ASB4: variants seen among roughly 807,000 people sequenced by gnomAD.
The protein encoded by ASB4 is ankyrin repeat and SOCS box protein 4.
Under a neutral mutation model 38.6 loss-of-function variants are expected in ASB4, and 35 were observed. That is an observed-to-expected ratio of 0.91 (90% confidence interval 0.69 to 1.20). The LOEUF (loss-of-function observed/expected upper bound fraction) is 1.20, where lower values mean the gene tolerates loss of function less well. Among genes scored for constraint, ASB4 ranks in the 50% most tolerant of loss-of-function variants. ASB4 has a pLI of 0.00. For synonymous variants in ASB4, 195 were observed against 201.3 expected, an observed-to-expected ratio of 0.97 and a Z score of 0.26; for missense variants, 557 against 527.2, an observed-to-expected ratio of 1.06 and a Z score of -0.55.
intron 4 of ASB4, 99 bp downstream of exon 4, chr7:95,536,649 T>C: frequency 1.4e-6 from 1 of 737,490 alleles, no homozygotes; most frequent in South Asian, 1.8e-5. Context: ...GTTTTGAGAA[T>C]GCCTTTAAAG....
chr7:95,544,005 C>T (rs1038555624), downstream of ASB4: 3 of 151,880 alleles, frequency 2.0e-5, no homozygotes, highest in Non-Finnish European at 4.4e-5. Flanking sequence ...TTCCATGCCA[C>T]CCCCAAATAC....
chr7:95,521,841 T>G (rs1438797964), intron 2 of ASB4, among the ~76,000 whole-genome samples: 2 of 151,934 alleles, frequency 1.3e-5, no homozygotes, highest in South Asian at 4.1e-4. Flanking sequence ...GAACAAAAAT[T>G]TACCAAGCAA....
At chr7:95,476,427 C>T (rs988853472), upstream of ASB4, among the ~76,000 whole-genome samples, 4 of 152,102 alleles carry the variant, frequency 2.6e-5, no homozygotes, top group East Asian at 1.9e-4. Context: ...GCTCACAGCC[C>T]ATGTTTAAAA....
rs1414066717 is a variant in ASB4, at chr7:95,527,853, G to A, written c.528G>A (p.Glu176=). The A allele has an allele frequency of 6.2e-7, 1 of 1,609,994 alleles. No homozygotes were observed. The highest frequency in any genetic ancestry group is 1.7e-5 in the Admixed American group (1 of 59,956). ...VNMKTNNQDE[E]TPLHTAAHFG... ...TGAAGACCAACAACCAAGATGAGGA[G>A]ACGCCCTTGCACACGGCTGCCCACT... The change falls in exon 3 of 5, where the codon GAG becomes GAA. Residue 176 remains glutamate, a synonymous_variant. Transcript: ENST00000325885.
chr7:95,485,935 G>A (rs752571238), upstream of ASB4: 3 of 1,598,218 alleles, frequency 1.9e-6, no homozygotes, highest in Non-Finnish European at 1.7e-6. Context: ...CTGTTCTCTC[G>A]ATAAATCACA....
chr7:95,496,298 A>G (rs1585798614), intron 2 of ASB4: 1 of 423,306 alleles, frequency 2.4e-6, no homozygotes, highest in East Asian at 3.5e-5. Flanking sequence ...ACAAATATTT[A>G]TTTAGCTCCT....
chr7:95,508,773 G>A (rs920308401), intron 2 of ASB4, among the ~76,000 whole-genome samples: 1 of 152,080 alleles, frequency 6.6e-6, no homozygotes, highest in African/African-American at 2.4e-5. Context: ...ATAAAATATG[G>A]AACTAAGCTG....
chr7:95,539,052 G>A lies in ASB4; in HGVS notation c.*1293G>A, dbSNP rs1181497489. ...AGCTCTGGGCCTTGTGGTTTATGAG[G>A]TCAATTTTGCTTCACTTTTTTTTTT... On this transcript the variant is annotated 3_prime_UTR_variant, in exon 5 of 5. Coordinates refer to ENST00000325885, the MANE Select transcript of ASB4 (RefSeq NM_016116.3). The A allele has an allele frequency of 2.7e-5, 4 of 147,538 alleles. No homozygotes were observed. The highest frequency in any genetic ancestry group is 1.0e-4 in the African/African-American group (4 of 39,278). 9.1% of individuals were successfully genotyped at this position (147,538 alleles called of 1,614,324 possible).
chr7:95,472,130 G>A, the ASB4 span: 2 of 152,270 alleles, frequency 1.3e-5, no homozygotes, highest in African/African-American at 4.8e-5. Flanking sequence ...TGGGGGCTCA[G>A]TAGCTCATGC....
intron 2 of ASB4, among the ~76,000 whole-genome samples, chr7:95,527,401 T>A (rs1009517583): frequency 6.6e-6 from 1 of 152,238 alleles, no homozygotes; most frequent in Non-Finnish European, 1.5e-5. Context: ...TCTAAACAGT[T>A]GATTTTTAAA....
chr7:95,500,568 CAAAAAAAAAA>C (rs771099175), intron 2 of ASB4, among the ~76,000 whole-genome samples: 4 of 41,014 alleles, frequency 9.8e-5, no homozygotes, highest in East Asian at 8.6e-4. Flanking sequence ...AGATCTGTCT[CAAAAAAAAAA>C]AAAAAAAAAA....
intron 1 of ASB4, among the ~76,000 whole-genome samples, chr7:95,494,583 C>G (rs1790218490): frequency 6.6e-6 from 1 of 152,210 alleles, no homozygotes; most frequent in South Asian, 2.1e-4. Context: ...AAAGTAACTT[C>G]TACGCTGTGA....
upstream of ASB4, among the ~76,000 whole-genome samples, chr7:95,481,889 G>C (rs1368123339): frequency 2.6e-5 from 4 of 152,194 alleles, no homozygotes; most frequent in Non-Finnish European, 5.9e-5. Flanking sequence ...ATAGAATGGA[G>C]AGTTTTCATT....
At chr7:95,473,260 T>C in the ASB4 span, among the ~76,000 whole-genome samples, 1 of 152,230 alleles carries the variant, frequency 6.6e-6, no homozygotes, top group East Asian at 1.9e-4. Context: ...TAACATCTTC[T>C]AGCATTTACT....
intron 1 of ASB4, among the ~76,000 whole-genome samples, chr7:95,490,377 T>C (rs1175221722): frequency 6.6e-6 from 1 of 152,232 alleles, no homozygotes; most frequent in Non-Finnish European, 1.5e-5. Context: ...CATTTTACAC[T>C]TCAAACTTGC....
At chr7:95,547,855 T>A in the ASB4 span, among the ~76,000 whole-genome samples, 1 of 152,202 alleles carries the variant, frequency 6.6e-6, no homozygotes, top group East Asian at 1.9e-4. Context: ...ACTGAAACAT[T>A]AACTCTTCCC....
At chr7:95,473,640 CT>C (rs77885147), upstream of ASB4, 8,278 of 142,644 alleles carry the variant, frequency 0.058, 221 homozygotes, top group Middle Eastern at 0.12. Flanking sequence ...TTGGAGATTC[CT>C]TTTTTTTTTT....
chr7:95,533,921 T>C (rs563045574), intron 3 of ASB4, among the ~76,000 whole-genome samples: 7 of 152,350 alleles, frequency 4.6e-5, no homozygotes, highest in African/African-American at 1.7e-4. Context: ...GTAATGATCC[T>C]CTATCTTTTC....
intron 3 of ASB4, chr7:95,528,891 A>T (rs949353356): frequency 1.1e-4 from 26 of 229,420 alleles, no homozygotes; most frequent in Admixed American, 4.5e-4. Flanking sequence ...ACTGAGGCAC[A>T]GTTAAGTAGC....
Sources: gnomAD v4.1 joint callset for allele counts (sites outside exome capture counted in the v4.1 genomes callset) on GRCh38, gnomAD v4.1.1 for gene constraint, MANE v1.5 for transcripts, NCBI Gene and HGNC (gene_info 2026-07-23, HGNC 2026-07-21) for gene names.